The following EXOC4 variants were observed in gnomAD, a reference collection of about 807,000 sequenced individuals.
The protein encoded by EXOC4 is exocyst complex component 4.
A neutral mutation model predicts 107.2 loss-of-function variants in EXOC4; 71 were observed. The ratio of observed to expected loss-of-function variants is 0.66; its 90% confidence interval spans 0.55 to 0.81. The LOEUF (loss-of-function observed/expected upper bound fraction) is 0.81. Ranked by LOEUF, EXOC4 falls within the 30% of genes least tolerant of loss-of-function variation. The pLI is 0.00. For synonymous variants in EXOC4, 456 were observed against 441.2 expected (o/e 1.03, Z -0.42); for missense variants, 1,108 against 1,189.6 (o/e 0.93, Z 1.01).
At chr7:133,481,415 G>T (rs6971417) in intron 9 of EXOC4, among the ~76,000 whole-genome samples, 129,423 of 152,184 alleles carry the variant, frequency 0.85, 55,371 homozygotes, top group East Asian at 0.95. Flanking sequence ...TTGGGCTCAC[G>T]TAGCATTTTG....
chr7:133,552,146 C>T (rs192428452), intron 9 of EXOC4, among the ~76,000 whole-genome samples: 1 of 152,078 alleles, frequency 6.6e-6, no homozygotes, highest in East Asian at 1.9e-4. Flanking sequence ...CATGATATTG[C>T]AGTTGTTTTA....
At chr7:133,446,201 G>A (rs942649742) in intron 7 of EXOC4, among the ~76,000 whole-genome samples, 2 of 152,060 alleles carry the variant, frequency 1.3e-5, no homozygotes, top group South Asian at 2.1e-4. Context: ...CTCTGTGCTT[G>A]TACATGAGAC....
chr7:133,534,264 T>G (rs1246938441), intron 9 of EXOC4, among the ~76,000 whole-genome samples: 1 of 152,184 alleles, frequency 6.6e-6, no homozygotes, highest in Non-Finnish European at 1.5e-5. Context: ...GAAATGTACA[T>G]TTGCACAAAT....
intron 10 of EXOC4, among the ~76,000 whole-genome samples, chr7:133,787,966 TATATA>T (rs1796618575): frequency 1.5e-3 from 25 of 16,492 alleles, no homozygotes; most frequent in South Asian, 7.3e-3. Flanking sequence ...TATATATTTA[TATATA>T]TATATATATA....
At chr7:133,534,565 G>A (rs557550563) in intron 9 of EXOC4, among the ~76,000 whole-genome samples, 11 of 152,264 alleles carry the variant, frequency 7.2e-5, no homozygotes, top group East Asian at 3.9e-4. Context: ...TTTAATGCAG[G>A]CCTTAATCAA....
chr7:133,451,593 T>A (rs1457091022), intron 7 of EXOC4, among the ~76,000 whole-genome samples: 1 of 152,182 alleles, frequency 6.6e-6, no homozygotes, highest in African/African-American at 2.4e-5. Context: ...TTTTACTTTC[T>A]CTTCTATTTG....
At chr7:133,794,941 C>T (rs937024797) in intron 10 of EXOC4, among the ~76,000 whole-genome samples, 1 of 151,974 alleles carries the variant, frequency 6.6e-6, no homozygotes, top group East Asian at 1.9e-4. Context: ...ATCCCTCCCC[C>T]TTCCCCCCAC....
intron 2 of EXOC4, 142 bp from the exon 3 acceptor site, chr7:133,288,780 G>T: frequency 3.2e-6 from 2 of 617,280 alleles, no homozygotes; most frequent in Non-Finnish European, 5.4e-6. Context: ...TTAGAATTTT[G>T]GAGGCAGACC....
intron 10 of EXOC4, among the ~76,000 whole-genome samples, chr7:133,798,518 A>T (rs1052267180): frequency 1.3e-4 from 19 of 149,202 alleles, no homozygotes; most frequent in African/African-American, 4.7e-4. Context: ...GTTTATAGAC[A>T]CGAGGTGAAT....
chr7:133,465,783 C>A (rs377067201), intron 7 of EXOC4, among the ~76,000 whole-genome samples: 1 of 152,050 alleles, frequency 6.6e-6, no homozygotes, highest in South Asian at 2.1e-4. Flanking sequence ...CTGAATATAC[C>A]ATGGGTAACA....
chr7:133,443,805 C>T (rs1798157848), intron 7 of EXOC4, among the ~76,000 whole-genome samples: 1 of 152,182 alleles, frequency 6.6e-6, no homozygotes, highest in Admixed American at 6.5e-5. Context: ...CACCCCCTCT[C>T]AAAGGGGCAT....
At chr7:133,809,182 C>A (rs1314038787) in intron 10 of EXOC4, among the ~76,000 whole-genome samples, 1 of 152,202 alleles carries the variant, frequency 6.6e-6, no homozygotes, top group African/African-American at 2.4e-5. Context: ...GTACAGAATT[C>A]TGATGCAGAT....
chr7:133,434,877 G>A (rs1584914963), intron 7 of EXOC4, among the ~76,000 whole-genome samples: 2 of 152,024 alleles, frequency 1.3e-5, no homozygotes, highest in Admixed American at 6.6e-5. Flanking sequence ...GATAGAGACC[G>A]ATTGCTTTAT....
chr7:134,094,159 G>T, the EXOC4 span, among the ~76,000 whole-genome samples: 1 of 152,056 alleles, frequency 6.6e-6, no homozygotes, highest in Non-Finnish European at 1.5e-5. Flanking sequence ...GGATGAACAA[G>T]ATTAATAATC....
chr7:133,497,857 C>G (rs963892523), intron 9 of EXOC4, among the ~76,000 whole-genome samples: 2 of 152,152 alleles, frequency 1.3e-5, no homozygotes, highest in Non-Finnish European at 2.9e-5. Flanking sequence ...CCCTCCAGTT[C>G]TCTATGGCTT....
At chr7:133,643,270 G>A (rs1802904830) in intron 10 of EXOC4, among the ~76,000 whole-genome samples, 1 of 152,080 alleles carries the variant, frequency 6.6e-6, no homozygotes, top group South Asian at 2.1e-4. Context: ...TTGAGGGCAG[G>A]AAGTATCTAG....
rs531858828 is a variant in EXOC4, at chr7:133,657,855, A to T, written c.1514+27714A>T. 7.2e-5 allele frequency among the ~76,000 whole-genome samples: 11 copies of T among 152,294 alleles called. No homozygotes were observed. In the East Asian group the frequency reaches 2.1e-3, roughly 29 times the overall value. ...TATTTGTTCATTGGTTTATTCATTG[A>T]TTCATTCAGCAATCAATTACTGAAC... On this transcript the variant is annotated intron_variant, in intron 10 of 17. Transcript: ENST00000253861.
intron 7 of EXOC4, among the ~76,000 whole-genome samples, chr7:133,459,607 T>C (rs770416978): frequency 1.5e-4 from 23 of 152,156 alleles, no homozygotes; most frequent in Admixed American, 8.5e-4. Context: ...AGATGTGCTG[T>C]GATAAATGGA....
intron 11 of EXOC4, among the ~76,000 whole-genome samples, chr7:133,819,290 T>TTG (rs1554405184): frequency 1.3e-5 from 2 of 151,726 alleles, no homozygotes; most frequent in Non-Finnish European, 2.9e-5. Flanking sequence ...TTTTTTTTTT[T>TTG]GTCAAGATCC....
Sources: allele counts gnomAD v4.1 joint callset (sites outside exome capture counted in the v4.1 genomes callset), GRCh38; gene constraint gnomAD v4.1.1; transcripts MANE v1.5; gene names NCBI Gene and HGNC (gene_info 2026-07-23, HGNC 2026-07-21).